Variants in RUNDC3B observed in about 807,000 individuals in gnomAD.
RUNDC3B encodes RUN domain-containing protein 3B.
A neutral mutation model predicts 58.4 loss-of-function variants in RUNDC3B; 33 were observed. The observed-to-expected ratio is 0.56, with a 90% CI of 0.43 to 0.75. RUNDC3B has a LOEUF of 0.75. Among genes scored for constraint, RUNDC3B ranks in the 30% least tolerant of loss-of-function variants. The pLI is 0.00. For missense variants in RUNDC3B, 501 were observed against 535.7 expected (o/e 0.94, Z 0.64); for synonymous variants, 193 against 195.2 (o/e 0.99, Z 0.10).
chr7:87,747,231 A>T (rs997515270), intron 6 of RUNDC3B, among the ~76,000 whole-genome samples: 42 of 151,804 alleles, frequency 2.8e-4, no homozygotes, highest in African/African-American at 9.9e-4. Context: ...AGCTGTAGTG[A>T]TTGTTGTCTC....
Position 87,628,885 on chromosome 7 carries a change from AG to A in RUNDC3B, c.63del (p.Ser23AlafsTer2). ...CGCGGCGGTGGCGGCGGAGGCGGCA[AG>A]AAAAGCCTGAGCGCCCGCAATGCTG... Reference protein sequence around the residue: ...GIRGGGGGGGKKSLSARNAAV... With the variant: ...GIRGGGGGGGXKSLSARNAAV... On this transcript the variant is annotated frameshift_variant, in exon 1 of 11. Transcript: ENST00000394654. LOFTEE classifies it high-confidence loss of function. 2 of 1,299,574 alleles carry A rather than the reference AG, an allele frequency of 1.5e-6. No individual in the cohort carries two copies. The highest frequency in any genetic ancestry group is 2.0e-6 in the Non-Finnish European group (2 of 1,016,622). 80.5% of individuals were successfully genotyped at this position (1,299,574 alleles called of 1,614,324 possible).
intron 2 of RUNDC3B, chr7:87,659,108 C>G: frequency 3.4e-6 from 1 of 296,020 alleles, no homozygotes. Context: ...GAGCTGTGAT[C>G]GTGCCATCAT....
intron 1 of RUNDC3B, among the ~76,000 whole-genome samples, chr7:87,635,333 G>C (rs995051438): frequency 6.6e-6 from 1 of 152,200 alleles, no homozygotes; most frequent in Non-Finnish European, 1.5e-5. Context: ...AGAGGGTCTT[G>C]AAGTTATTGT....
In RUNDC3B at chr7:87,703,381, C is replaced by G. The variant is rs17146782; in HGVS notation, c.372+2827C>G. On this transcript the variant is annotated intron_variant, in intron 3 of 10. Coordinates refer to ENST00000394654, the MANE Select transcript of RUNDC3B (RefSeq NM_001134405.2). ...AATCTATAATGTTTAAATGTAGTGACATAATTAGAAACACAGGTAAAACAT... is the reference window on the plus strand; with the variant it reads ...AATCTATAATGTTTAAATGTAGTGAGATAATTAGAAACACAGGTAAAACAT... Among the ~76,000 whole-genome samples, 472 of 152,108 alleles carry G rather than the reference C, an allele frequency of 3.1e-3. 6 individuals are homozygous for G. In the East Asian group the frequency reaches 0.049, roughly 16 times the overall value.
intron 1 of RUNDC3B, among the ~76,000 whole-genome samples, chr7:87,649,767 G>A (rs997094600): frequency 2.6e-5 from 4 of 152,170 alleles, no homozygotes; most frequent in Admixed American, 1.3e-4. Context: ...TGTTGTGGGA[G>A]GGACTCAGTG....
chr7:87,664,520 C>A (rs185127239), intron 2 of RUNDC3B, among the ~76,000 whole-genome samples: 9 of 152,130 alleles, frequency 5.9e-5, no homozygotes, highest in Admixed American at 3.9e-4. Context: ...TAAGGTGTAA[C>A]TCTTGAAATG....
intron 8 of RUNDC3B, among the ~76,000 whole-genome samples, chr7:87,782,294 T>G (rs1834971501): frequency 6.6e-6 from 1 of 152,190 alleles, no homozygotes; most frequent in Non-Finnish European, 1.5e-5. Context: ...ATATTTTGTA[T>G]TTCTGTGGGA....
At chr7:87,778,580 T>TATTG (rs1242190183) in intron 8 of RUNDC3B, among the ~76,000 whole-genome samples, 1 of 152,172 alleles carries the variant, frequency 6.6e-6, no homozygotes, top group Non-Finnish European at 1.5e-5. Flanking sequence ...TTAAAGTAGT[T>TATTG]ATTGATTGAT....
chr7:87,818,765 C>A (rs1017646100), intron 10 of RUNDC3B, among the ~76,000 whole-genome samples: 3 of 152,048 alleles, frequency 2.0e-5, no homozygotes, highest in Non-Finnish European at 4.4e-5. Flanking sequence ...TTGTGGCAGG[C>A]TTAGATTGAT....
intron 9 of RUNDC3B, among the ~76,000 whole-genome samples, chr7:87,813,572 A>C (rs1014342067): frequency 2.0e-5 from 3 of 152,182 alleles, no homozygotes; most frequent in Admixed American, 2.0e-4. Context: ...CTATCATTCA[A>C]CTTAAAAAGT....
intron 10 of RUNDC3B, among the ~76,000 whole-genome samples, chr7:87,826,841 G>C (rs1230558631): frequency 6.6e-6 from 1 of 152,082 alleles, no homozygotes; most frequent in Non-Finnish European, 1.5e-5. Flanking sequence ...AAACATACTG[G>C]TGACTTCCAG....
intron 3 of RUNDC3B, among the ~76,000 whole-genome samples, chr7:87,702,578 C>T (rs1829189148): frequency 6.6e-6 from 1 of 152,166 alleles, no homozygotes; most frequent in African/African-American, 2.4e-5. Context: ...CCATGACCAA[C>T]TCATTATTTT....
rs529608758 is a variant in RUNDC3B at position 87,678,760 on chromosome 7, A to G, written c.239-21661A>G. 9.0e-4 allele frequency among the ~76,000 whole-genome samples: 130 copies of G among 144,770 alleles called. 5 individuals are homozygous for G. The South Asian group carries it at 0.027, about 30-fold the overall frequency. The allele number at this position is 144,770 out of a possible 152,430, so 95.0% of individuals were successfully genotyped here. A position where few individuals can be genotyped will look rare whatever the true frequency, so the allele number is the denominator to read the frequency against. On this transcript the variant is annotated intron_variant, in intron 2 of 10. Transcript: ENST00000394654. Reference sequence around the variant, plus strand: ...AGTTATTCCATGCAGAAAGTAATTGAAAAAAAGTTGGAGTAGATTTAATTA... The same window carrying G: ...AGTTATTCCATGCAGAAAGTAATTGGAAAAAAGTTGGAGTAGATTTAATTA...
chr7:87,821,547 G>A (rs1837438290), intron 10 of RUNDC3B, among the ~76,000 whole-genome samples: 1 of 152,108 alleles, frequency 6.6e-6, no homozygotes, highest in Non-Finnish European at 1.5e-5. Flanking sequence ...CTACTTTAAA[G>A]TTCATGTGGA....
Position 87,829,901 on chromosome 7 carries a change from C to G in RUNDC3B, c.1242C>G (p.Pro414=), listed in dbSNP as rs1190650731. The change falls in exon 11 of 11, where the codon CCC becomes CCG. Residue 414 remains proline, a synonymous_variant. Transcript: ENST00000394654. ...NVMSEGKEDT[P]SLLGLCGSLT... is the part of the protein sequence containing the mutation. ...AATTTTCAGGTAAGGAAGATACTCC[C>G]TCATTACTTGGCCTCTGTGGATCTC... 3.1e-6 allele frequency: 5 copies of G among 1,602,548 alleles called. No individual in the cohort carries two copies. Among genetic ancestry groups the G allele is most frequent in the Non-Finnish European group, 3.4e-6 (4 of 1,174,156 alleles).
chr7:87,742,557 A>G (rs1832386180), intron 6 of RUNDC3B, among the ~76,000 whole-genome samples: 1 of 151,108 alleles, frequency 6.6e-6, no homozygotes, highest in South Asian at 2.1e-4. Context: ...ATGGCTGCGT[A>G]GTATTCCATC....
intron 8 of RUNDC3B, among the ~76,000 whole-genome samples, chr7:87,794,584 T>A (rs1835708430): frequency 6.6e-6 from 1 of 150,896 alleles, no homozygotes; most frequent in South Asian, 2.1e-4. Context: ...ACAGATTCAA[T>A]GCAATTCCTG....
intron 6 of RUNDC3B, among the ~76,000 whole-genome samples, chr7:87,750,558 A>G (rs1424839005): frequency 1.6e-4 from 25 of 152,140 alleles, no homozygotes; most frequent in Admixed American, 1.6e-3. Flanking sequence ...CTGACTTTTT[A>G]ATGATTGCCA....
intron 2 of RUNDC3B, among the ~76,000 whole-genome samples, chr7:87,683,558 G>T (rs1203783639): frequency 1.3e-5 from 2 of 152,200 alleles, no homozygotes; most frequent in African/African-American, 4.8e-5. Flanking sequence ...GAAAGAGAGA[G>T]ATGGGAAATG....
Sources: allele counts gnomAD v4.1 joint callset (sites outside exome capture counted in the v4.1 genomes callset), GRCh38; gene constraint gnomAD v4.1.1; transcripts MANE v1.5; gene names NCBI Gene and HGNC (gene_info 2026-07-23, HGNC 2026-07-21).